The following KCNN2 variants were observed in gnomAD, a reference collection of about 807,000 sequenced individuals.
KCNN2 encodes small conductance calcium-activated potassium channel protein 2.
KCNN2 carries 24 observed loss-of-function variants against 55.5 expected under a neutral mutation model. The observed-to-expected ratio is 0.43, with a 90% CI of 0.31 to 0.61. The LOEUF is 0.61. Among genes scored for constraint, KCNN2 ranks in the 20% least tolerant of loss-of-function variants. KCNN2 has a pLI of 0.08. For synonymous variants in KCNN2, 431 were observed against 336.1 expected, an observed-to-expected ratio of 1.28 and a Z score of -3.09; for missense variants, 754 against 853.6, an observed-to-expected ratio of 0.88 and a Z score of 1.45.
rs188152394 is a variant in KCNN2 at position 114,064,029 on chromosome 5, C to T, written c.-271+7529C>T. 5.3e-5 allele frequency among the ~76,000 whole-genome samples: 8 copies of T among 152,212 alleles called. No individual in the cohort carries two copies. The South Asian group carries it at 8.3e-4, about 16-fold the overall frequency. ...TGGATCAGGGATTCCCAGACTTGTC[C>T]GCAGATTGGAATCACCTGGAGAGCT... On this transcript the variant is annotated intron_variant, in intron 1 of 10. Transcript: ENST00000512097.
chr5:114,194,127 A>G (rs1753503947), intron 1 of KCNN2, among the ~76,000 whole-genome samples: 1 of 152,082 alleles, frequency 6.6e-6, no homozygotes, highest in Non-Finnish European at 1.5e-5. Flanking sequence ...TATTACATAC[A>G]ATATTATTCA....
At chr5:114,338,054 A>G (rs563351613) in intron 2 of KCNN2, among the ~76,000 whole-genome samples, 1 of 152,328 alleles carries the variant, frequency 6.6e-6, no homozygotes, top group South Asian at 2.1e-4. Context: ...TCAACCAGCT[A>G]TGCACTTTGA....
At chr5:114,336,658 C>A (rs373544581) in intron 2 of KCNN2, among the ~76,000 whole-genome samples, 4 of 152,172 alleles carry the variant, frequency 2.6e-5, no homozygotes, top group African/African-American at 9.7e-5. Flanking sequence ...GACAGCAGTG[C>A]AGAACACCTG....
chr5:114,413,937 C>G (rs1240381656), intron 3 of KCNN2, among the ~76,000 whole-genome samples: 1 of 152,108 alleles, frequency 6.6e-6, no homozygotes, highest in Non-Finnish European at 1.5e-5. Flanking sequence ...TCATGTAATT[C>G]AGCTTCAGAA....
chr5:114,150,263 G>C (rs1320125252), intron 1 of KCNN2, among the ~76,000 whole-genome samples: 1 of 152,172 alleles, frequency 6.6e-6, no homozygotes, highest in African/African-American at 2.4e-5. Flanking sequence ...CAAGGCTACA[G>C]TAACCAAAAC....
chr5:114,444,024 A>G (rs1264303474), intron 3 of KCNN2, among the ~76,000 whole-genome samples: 1 of 152,218 alleles, frequency 6.6e-6, no homozygotes, highest in Non-Finnish European at 1.5e-5. Context: ...GAAGGATGAT[A>G]TAGAGAGATA....
chr5:114,359,720 T>C (rs1757367549), upstream of KCNN2, among the ~76,000 whole-genome samples: 1 of 152,232 alleles, frequency 6.6e-6, no homozygotes, highest in Non-Finnish European at 1.5e-5. Context: ...TTGAAGTATT[T>C]AGATTTGTAA....
intron 2 of KCNN2, among the ~76,000 whole-genome samples, chr5:114,301,125 G>A (rs1444221998): frequency 6.6e-6 from 1 of 150,896 alleles, no homozygotes; most frequent in Non-Finnish European, 1.5e-5. Flanking sequence ...ACATTACTAT[G>A]TAAATAACGT....
chr5:114,337,034 A>C (rs1348684713), intron 2 of KCNN2, among the ~76,000 whole-genome samples: 1 of 152,190 alleles, frequency 6.6e-6, no homozygotes, highest in Non-Finnish European at 1.5e-5. Context: ...TTTTTTTAAA[A>C]ACACCTCATC....
intron 1 of KCNN2, among the ~76,000 whole-genome samples, chr5:114,090,164 C>T (rs1751107937): frequency 6.6e-6 from 1 of 151,830 alleles, no homozygotes; most frequent in Non-Finnish European, 1.5e-5. Flanking sequence ...TTTTAATGAC[C>T]TAAAATTTAA....
At chr5:114,117,342 C>G (rs1751726226) in intron 1 of KCNN2, among the ~76,000 whole-genome samples, 1 of 152,178 alleles carries the variant, frequency 6.6e-6, no homozygotes, top group Non-Finnish European at 1.5e-5. Context: ...CTAACCCACT[C>G]TGACCACTGT....
chr5:114,286,048 T>C (rs1455801074), intron 2 of KCNN2, among the ~76,000 whole-genome samples: 2 of 151,882 alleles, frequency 1.3e-5, no homozygotes, highest in Non-Finnish European at 2.9e-5. Flanking sequence ...GCCTCCTGAG[T>C]AGCTGGGATT....
chr5:114,085,087 A>G (rs1018462701), intron 1 of KCNN2, among the ~76,000 whole-genome samples: 3 of 151,406 alleles, frequency 2.0e-5, no homozygotes, highest in Admixed American at 6.6e-5. Flanking sequence ...TCTATTCTTT[A>G]GCTAGTACCG....
intron 2 of KCNN2, among the ~76,000 whole-genome samples, chr5:114,385,515 GCGCGCA>G (rs1176134828): frequency 1.7e-3 from 111 of 65,454 alleles, no homozygotes; most frequent in African/African-American, 6.3e-3. Context: ...ATACACACAT[GCGCGCA>G]CACACACACA....
intron 1 of KCNN2, among the ~76,000 whole-genome samples, chr5:114,143,794 T>G (rs1752339814): frequency 6.6e-6 from 1 of 152,220 alleles, no homozygotes; most frequent in South Asian, 2.1e-4. Context: ...CATCTTTTAT[T>G]CTGTAGTAGC....
At chr5:114,172,622 T>C (rs1274959199) in intron 1 of KCNN2, among the ~76,000 whole-genome samples, 1 of 148,296 alleles carries the variant, frequency 6.7e-6, no homozygotes. Flanking sequence ...TTATATAACA[T>C]ATATATCCCA....
At chr5:114,287,361 A>G (rs780568262) in intron 2 of KCNN2, among the ~76,000 whole-genome samples, 2 of 152,224 alleles carry the variant, frequency 1.3e-5, no homozygotes, top group Non-Finnish European at 2.9e-5. Flanking sequence ...ATGCCCATCA[A>G]TGATAGACTG....
chr5:114,303,663 G>A (rs1035956508), intron 2 of KCNN2, among the ~76,000 whole-genome samples: 1 of 152,168 alleles, frequency 6.6e-6, no homozygotes, highest in African/African-American at 2.4e-5. Context: ...ACTCATTGCA[G>A]TAGGTCCAGT....
intron 1 of KCNN2, among the ~76,000 whole-genome samples, chr5:114,177,331 G>T (rs1461431398): frequency 6.6e-6 from 1 of 152,092 alleles, no homozygotes; most frequent in East Asian, 1.9e-4. Context: ...TAGAGACGGG[G>T]TTTCACCGTG....
Sources: gnomAD v4.1 joint callset for allele counts (sites outside exome capture counted in the v4.1 genomes callset) on GRCh38, gnomAD v4.1.1 for gene constraint, MANE v1.5 for transcripts, NCBI Gene and HGNC (gene_info 2026-07-23, HGNC 2026-07-21) for gene names.